The following UBE3C variants were observed in gnomAD, a reference collection of about 807,000 sequenced individuals.
UBE3C encodes the protein ubiquitin-protein ligase E3C.
A neutral mutation model predicts 129.4 loss-of-function variants in UBE3C; 42 were observed. That is an observed-to-expected ratio of 0.32 (90% CI 0.25 to 0.42). The LOEUF is 0.42. Among genes scored for constraint, UBE3C ranks in the 10% least tolerant of loss-of-function variants. UBE3C has a pLI of 1.00. For synonymous variants in UBE3C, 510 were observed against 492.4 expected, an observed-to-expected ratio of 1.04 and a Z score of -0.47; for missense variants, 1,049 against 1,319.1, an observed-to-expected ratio of 0.80 and a Z score of 3.17.
chr7:157,146,247 C>CTT (rs893631963), intron 1 of UBE3C, among the ~76,000 whole-genome samples: 4 of 146,346 alleles, frequency 2.7e-5, no homozygotes, highest in East Asian at 2.0e-4. Context: ...GGATCTATTT[C>CTT]TTTTTTTTTT....
At chr7:157,207,286 T>C (rs2117006406) in intron 11 of UBE3C, 112 bp from the exon 12 acceptor site, 2 of 1,430,782 alleles carry the variant, frequency 1.4e-6, no homozygotes, top group Middle Eastern at 1.9e-4. Context: ...TAATTCCTAA[T>C]GCAAATGTTA....
At chr7:157,242,970 G>A (rs1047179877) in intron 18 of UBE3C, among the ~76,000 whole-genome samples, 3 of 151,998 alleles carry the variant, frequency 2.0e-5, no homozygotes, top group African/African-American at 4.8e-5. Flanking sequence ...TAGGAAAATC[G>A]CTTGAAACCG....
intron 3 of UBE3C, 32 bp downstream of exon 3, chr7:157,169,154 G>A: frequency 6.4e-7 from 1 of 1,555,146 alleles, no homozygotes; most frequent in Non-Finnish European, 8.9e-7. Flanking sequence ...GAGATTAGTA[G>A]GGCATGGGAG....
intron 22 of UBE3C, among the ~76,000 whole-genome samples, chr7:157,263,717 G>T (rs1294209263): frequency 1.4e-5 from 2 of 147,946 alleles, no homozygotes; most frequent in African/African-American, 4.9e-5. Flanking sequence ...TTGTGGGAGC[G>T]CTGTTGGCAC....
chr7:157,183,934 T>C lies in UBE3C; in HGVS notation c.1048T>C (p.Ser350Pro). 1 of 1,614,210 alleles carries C rather than the reference T, an allele frequency of 6.2e-7. No homozygotes were observed. The highest frequency in any genetic ancestry group is 8.5e-7 in the Non-Finnish European group (1 of 1,180,040). ...TTTGCGGGTGCTGCAGACCTTCCTC[T>C]CTCAGTTACCAGTCTCTCCTGCCAG... is the stretch of plus-strand genomic sequence containing the variant. ...VYLRVLQTFL[S>P]QLPVSPASAS... Residue 350 changes from serine (S) to proline (P), a missense_variant, in exon 9 of 23, where the codon TCT becomes CCT. This residue lies in a region of UBE3C where 489 missense variants were observed against 513.8 expected (regional missense o/e 0.95). Coordinates refer to ENST00000348165, the MANE Select transcript of UBE3C (RefSeq NM_014671.3).
intron 18 of UBE3C, among the ~76,000 whole-genome samples, chr7:157,246,029 A>G (rs928081144): frequency 6.6e-5 from 10 of 151,116 alleles, no homozygotes; most frequent in Non-Finnish European, 1.2e-4. Context: ...GTTCTTCACA[A>G]TGTCTGTCAT....
At chr7:157,221,755 G>A (rs1259299646) in intron 15 of UBE3C, 1 of 152,050 alleles carries the variant, frequency 6.6e-6, no homozygotes, top group Admixed American at 6.6e-5. Context: ...AAAAAATTTG[G>A]CCATTGTAAA....
At chr7:157,139,462 T>G in intron 1 of UBE3C, 124 bp downstream of exon 1, 13 of 816,618 alleles carry the variant, frequency 1.6e-5, no homozygotes, top group South Asian at 7.4e-5. Flanking sequence ...ATTCGGGGCC[T>G]CCCTGGCGGG....
intron 13 of UBE3C, among the ~76,000 whole-genome samples, chr7:157,214,803 T>C (rs187210665): frequency 5.4e-4 from 83 of 152,318 alleles, no homozygotes; most frequent in African/African-American, 1.9e-3. Flanking sequence ...TGAATGACTT[T>C]CAAGAATTAG....
At chr7:157,194,513 G>T (rs1563050846) in intron 10 of UBE3C, among the ~76,000 whole-genome samples, 1 of 152,192 alleles carries the variant, frequency 6.6e-6, no homozygotes, top group South Asian at 2.1e-4. Context: ...ATGGAAAAGT[G>T]GCTCTGGAAT....
At position 157,248,600 on chromosome 7, in the gene UBE3C, A is replaced by G. The variant is rs776945994; in HGVS notation, c.2694+20A>G. The G allele has an allele frequency of 3.7e-6, 6 of 1,610,612 alleles. No individual in the cohort carries two copies. The African/African-American group carries it at 5.3e-5, about 14-fold the overall frequency. On this transcript the variant is annotated intron_variant, in intron 19 of 22. Transcript: ENST00000348165. Reference sequence around the variant, plus strand: ...GCGCAGGTGAGGGGTCAGGAGGAGGATTCACATACCTGTATAGCAAGTAGC... The same window carrying G: ...GCGCAGGTGAGGGGTCAGGAGGAGGGTTCACATACCTGTATAGCAAGTAGC...
intron 6 of UBE3C, 66 bp downstream of exon 6, chr7:157,178,913 T>C (rs1363143159): frequency 1.3e-6 from 2 of 1,569,284 alleles, no homozygotes; most frequent in East Asian, 4.5e-5. Context: ...GAGGCCAGCC[T>C]GCTGCTGTGA....
chr7:157,208,055 CTTTTTTTTTTTTTTT>C (rs35366316), intron 13 of UBE3C, 120 bp downstream of exon 13: 70 of 93,706 alleles, frequency 7.5e-4, no homozygotes, highest in Admixed American at 4.0e-3. Flanking sequence ...ATTTGCAAGA[CTTTTTTTTTTTTTTT>C]TTTTTTTTTT....
chr7:157,157,490 G>A (rs1807943835), intron 1 of UBE3C, among the ~76,000 whole-genome samples: 1 of 152,088 alleles, frequency 6.6e-6, no homozygotes, highest in African/African-American at 2.4e-5. Flanking sequence ...AGGGACAGCA[G>A]TCACTTTTCA....
chr7:157,263,878 C>G (rs1208499977), intron 22 of UBE3C, among the ~76,000 whole-genome samples: 1 of 151,030 alleles, frequency 6.6e-6, no homozygotes, highest in Non-Finnish European at 1.5e-5. Context: ...ATGTTTCCTT[C>G]CTTTAATTAG....
intron 1 of UBE3C, among the ~76,000 whole-genome samples, chr7:157,158,764 GT>G (rs1019073755): frequency 6.6e-6 from 1 of 151,902 alleles, no homozygotes; most frequent in Non-Finnish European, 1.5e-5. Flanking sequence ...CCATGGGGAC[GT>G]TTTTTTTCTA....
At chr7:157,166,942 G>A (rs891326812) in intron 2 of UBE3C, among the ~76,000 whole-genome samples, 2 of 50,068 alleles carry the variant, frequency 4.0e-5, no homozygotes, top group Non-Finnish European at 6.6e-5. Context: ...GGTGGTGGTG[G>A]TTTTTGAGAC....
chr7:157,265,862 C>T (rs941465045), intron 22 of UBE3C, among the ~76,000 whole-genome samples: 1 of 152,196 alleles, frequency 6.6e-6, no homozygotes, highest in Non-Finnish European at 1.5e-5. Context: ...AATACCAGAA[C>T]GTCATGAACA....
chr7:157,249,993 A>G (rs1796581240), intron 19 of UBE3C, among the ~76,000 whole-genome samples: 1 of 152,194 alleles, frequency 6.6e-6, no homozygotes. Flanking sequence ...AGTATAATGC[A>G]AATATTCCAA....
Sources: allele counts gnomAD v4.1 joint callset (sites outside exome capture counted in the v4.1 genomes callset), GRCh38; gene constraint gnomAD v4.1.1; regional missense constraint gnomAD v4.1.1; transcripts MANE v1.5; gene names NCBI Gene and HGNC (gene_info 2026-07-23, HGNC 2026-07-21).